IL21R: variants seen among roughly 807,000 people sequenced by gnomAD.
IL21R encodes the protein interleukin 21 receptor, also known as interleukin-21 receptor.
Under a neutral mutation model 41.3 loss-of-function variants are expected in IL21R, and 14 were observed. The observed-to-expected ratio is 0.34, with a 90% CI of 0.22 to 0.53. The LOEUF (loss-of-function observed/expected upper bound fraction) is 0.53. Among genes scored for constraint, IL21R ranks in the 20% least tolerant of loss-of-function variants. The pLI, the probability that IL21R is intolerant of heterozygous loss-of-function variation, is 0.94. For synonymous variants in IL21R, 286 were observed against 287.6 expected (o/e 0.99, Z 0.05); for missense variants, 588 against 681.6 (o/e 0.86, Z 1.53).
chr16:27,409,180 T>A (rs8056838), intron 1 of IL21R, among the ~76,000 whole-genome samples: 3,137 of 147,578 alleles, frequency 0.021, 96 homozygotes, highest in African/African-American at 0.072. Flanking sequence ...TATATATTTA[T>A]AAAAATAAAT....
chr16:27,445,929 A>G, intron 7 of IL21R, 78 bp from the exon 8 acceptor site: 1 of 1,125,168 alleles, frequency 8.9e-7, no homozygotes, highest in Non-Finnish European at 1.3e-6. Context: ...CTGTAGGATG[A>G]AGCTGGGGAG....
At position 27,437,571 on chromosome 16, in the gene IL21R, A is replaced by G. The variant is rs774307854; in HGVS notation, c.236A>G (p.Tyr79Cys). Reference sequence around the variant, plus strand: ...GCCCACAATGCCACGCATGCCACCTACACCTGCCACATGGATGTATTCCAC... The same window carrying G: ...GCCCACAATGCCACGCATGCCACCTGCACCTGCCACATGGATGTATTCCAC... ...RSAHNATHAT[Y>C]TCHMDVFHFM... Residue 79 changes from tyrosine (Y) to cysteine (C), a missense_variant, in exon 4 of 9, where the codon TAC becomes TGC. By Grantham distance (194) the Tyr-to-Cys change is radical. Coordinates refer to ENST00000337929, the MANE Select transcript of IL21R (RefSeq NM_181078.3). 2.5e-6 allele frequency: 4 copies of G among 1,614,194 alleles called. No individual in the cohort carries two copies. The highest frequency in any genetic ancestry group is 2.5e-6 in the Non-Finnish European group (3 of 1,180,016).
At chr16:27,446,167 C>T in intron 8 of IL21R, 79 bp downstream of exon 8, 1 of 1,193,890 alleles carries the variant, frequency 8.4e-7, no homozygotes, top group Non-Finnish European at 1.2e-6. Flanking sequence ...ACCCCAGGCT[C>T]CCCAGCCTCA....
At position 27,448,883 on chromosome 16, in the gene IL21R, C is replaced by G. The variant is rs1196084227; in HGVS notation, c.1217C>G (p.Ala406Gly). The stretch of plus-strand genomic sequence containing the variant: ...GGCTACCCAGCCCTGGACCTGGATG[C>G]TGGCCTGGAGCCCAGCCCAGGCCTA... ...DDGYPALDLDAGLEPSPGLED... is the reference protein window; with the variant it reads ...DDGYPALDLDGGLEPSPGLED... The change falls in exon 9 of 9, where the codon GCT becomes GGT. Residue 406 changes from alanine (A) to glycine (G), a missense_variant. Ala to Gly is a moderately conservative substitution (Grantham distance 60). Transcript: ENST00000337929. 1 of 1,612,116 alleles carries G rather than the reference C, an allele frequency of 6.2e-7. No homozygotes were observed. Among genetic ancestry groups the G allele is most frequent in the Non-Finnish European group, 8.5e-7 (1 of 1,179,398 alleles).
chr16:27,440,287 A>AGAGAGAGAGAGAGCGC (rs1479585420), intron 4 of IL21R, among the ~76,000 whole-genome samples: 1 of 102,714 alleles, frequency 9.7e-6, no homozygotes, highest in African/African-American at 5.0e-5. Context: ...AGAGCGAGCA[A>AGAGAGAGAGAGAGCGC]GCGCGCGCCA....
chr16:27,423,118 G>T (rs2141275399), intron 1 of IL21R, among the ~76,000 whole-genome samples: 1 of 152,086 alleles, frequency 6.6e-6, no homozygotes, highest in South Asian at 2.1e-4. Context: ...AAGTTTCTTG[G>T]CATGCTACTT....
intron 2 of IL21R, among the ~76,000 whole-genome samples, chr16:27,432,498 A>G (rs3093313): frequency 0.44 from 66,901 of 151,922 alleles, 15,830 homozygotes; most frequent in Non-Finnish European, 0.53. Context: ...CCTGCCACTC[A>G]GGGGCTGCCG....
At chr16:27,412,433 G>A (rs2141262261) in intron 1 of IL21R, among the ~76,000 whole-genome samples, 1 of 147,178 alleles carries the variant, frequency 6.8e-6, no homozygotes, top group African/African-American at 2.5e-5. Context: ...TTTTTTTTTA[G>A]AGTGTTCTTC....
In IL21R at chr16:27,402,366, CGT is replaced by C. The variant is rs984348165; in HGVS notation, c.-268_-267del. On this transcript the variant is annotated 5_prime_UTR_variant, in exon 1 of 9. Coordinates refer to ENST00000337929, the MANE Select transcript of IL21R (RefSeq NM_181078.3). ...TGCGGCCGCCTGGTACCTTCCTTGCCGTCTCTTTCCTCTGTCTGCTGCTCTGT... is the reference window on the plus strand; with the variant it reads ...TGCGGCCGCCTGGTACCTTCCTTGCCCTCTTTCCTCTGTCTGCTGCTCTGT... The C allele has an allele frequency of 5.2e-5, 8 of 152,674 alleles. No homozygotes were observed. The highest frequency in any genetic ancestry group is 1.9e-4 in the African/African-American group (8 of 41,568). The allele number at this position is 152,674 out of a possible 1,614,324, so 9.5% of individuals were successfully genotyped here.
At chr16:27,415,338 T>C (rs1472098309) in intron 1 of IL21R, among the ~76,000 whole-genome samples, 7 of 152,208 alleles carry the variant, frequency 4.6e-5, no homozygotes, top group Admixed American at 6.5e-5. Flanking sequence ...AAGCATTTCC[T>C]CACATAATTG....
chr16:27,441,582 T>G (rs1291763737), intron 4 of IL21R, among the ~76,000 whole-genome samples: 1 of 152,196 alleles, frequency 6.6e-6, no homozygotes, highest in Non-Finnish European at 1.5e-5. Flanking sequence ...GCATTCATGC[T>G]AAGAAGAGTC....
intron 1 of IL21R, among the ~76,000 whole-genome samples, chr16:27,428,728 G>T (rs2087118437): frequency 6.6e-6 from 1 of 152,190 alleles, no homozygotes; most frequent in South Asian, 2.1e-4. Context: ...CCCCAAAGAG[G>T]TTCCTTCTCC....
At chr16:27,421,727 T>C (rs1394685345) in intron 1 of IL21R, among the ~76,000 whole-genome samples, 1 of 152,150 alleles carries the variant, frequency 6.6e-6, no homozygotes, top group Non-Finnish European at 1.5e-5. Context: ...GCTAAATTTG[T>C]TTATTAGCTC....
At chr16:27,415,659 A>G (rs1178607502) in intron 1 of IL21R, among the ~76,000 whole-genome samples, 2 of 152,222 alleles carry the variant, frequency 1.3e-5, no homozygotes, top group Admixed American at 1.3e-4. Context: ...CTCATCAAAT[A>G]AGGGCAATTT....
At chr16:27,436,815 G>A (rs559533940) in intron 3 of IL21R, among the ~76,000 whole-genome samples, 5 of 152,104 alleles carry the variant, frequency 3.3e-5, no homozygotes, top group Non-Finnish European at 5.9e-5. Flanking sequence ...GCTCAGTCCT[G>A]TAATCCCAGC....
intron 5 of IL21R, among the ~76,000 whole-genome samples, 178 bp downstream of exon 5, chr16:27,443,294 A>G (rs920220084): frequency 2.0e-5 from 3 of 152,070 alleles, no homozygotes; most frequent in Non-Finnish European, 2.9e-5. Context: ...TCCCCAAGGT[A>G]GGAGACCCCT....
At chr16:27,442,197 T>C (rs1383486290) in intron 4 of IL21R, among the ~76,000 whole-genome samples, 1 of 151,998 alleles carries the variant, frequency 6.6e-6, no homozygotes, top group Admixed American at 6.6e-5. Flanking sequence ...TGTGTAGGCA[T>C]GCGTTTGGGT....
chr16:27,425,858 C>T (rs926005594), intron 1 of IL21R, among the ~76,000 whole-genome samples: 2 of 152,122 alleles, frequency 1.3e-5, no homozygotes, highest in African/African-American at 4.8e-5. Flanking sequence ...GCCCGGCCTC[C>T]CTTTCTTAAC....
intron 1 of IL21R, among the ~76,000 whole-genome samples, chr16:27,404,601 G>A (rs1013547485): frequency 1.3e-5 from 2 of 152,130 alleles, no homozygotes; most frequent in African/African-American, 4.8e-5. Flanking sequence ...GGAAGCTAGC[G>A]CCTTCAGCAT....
Sources: gnomAD v4.1 joint callset for allele counts (sites outside exome capture counted in the v4.1 genomes callset) on GRCh38, gnomAD v4.1.1 for gene constraint, MANE v1.5 for transcripts, NCBI Gene and HGNC (gene_info 2026-07-23, HGNC 2026-07-21) for gene names.